Variants in ADGRB3 observed in about 807,000 individuals in gnomAD.
ADGRB3 encodes the protein brain-specific angiogenesis inhibitor 3.
Under a neutral mutation model 193.4 loss-of-function variants are expected in ADGRB3, and 37 were observed. The observed-to-expected ratio is 0.19, with a 90% CI of 0.15 to 0.25. The LOEUF is 0.25. ADGRB3 is among the 10% of genes least tolerant of loss of function. The probability of loss-of-function intolerance (pLI) is 1.00; values close to 1 mark genes in which losing one functional copy is unlikely to be tolerated. For missense variants in ADGRB3, 1,637 were observed against 1,852.9 expected, an observed-to-expected ratio of 0.88 and a Z score of 2.14; for synonymous variants, 690 against 644.2, an observed-to-expected ratio of 1.07 and a Z score of -1.08.
chr6:68,924,208 A>T (rs1038676373), intron 3 of ADGRB3, among the ~76,000 whole-genome samples: 1 of 152,082 alleles, frequency 6.6e-6, no homozygotes, highest in Non-Finnish European at 1.5e-5. Context: ...TGCATAATGG[A>T]TAAGAAATAA....
At chr6:69,348,256 A>G (rs1331336788) in intron 26 of ADGRB3, among the ~76,000 whole-genome samples, 4 of 152,048 alleles carry the variant, frequency 2.6e-5, no homozygotes, top group Admixed American at 6.5e-5. Context: ...ACATCAAACC[A>G]TTGCTTGCTG....
At chr6:68,929,498 G>T (rs1767276918) in intron 3 of ADGRB3, among the ~76,000 whole-genome samples, 1 of 152,154 alleles carries the variant, frequency 6.6e-6, no homozygotes, top group African/African-American at 2.4e-5. Context: ...ACTATCTGCA[G>T]TGTCACTGGA....
At chr6:68,807,479 A>T (rs1455779703) in intron 3 of ADGRB3, among the ~76,000 whole-genome samples, 9 of 151,330 alleles carry the variant, frequency 5.9e-5, no homozygotes, top group Non-Finnish European at 1.2e-4. Context: ...TGACCTCGTG[A>T]TTTCCCCGCC....
chr6:69,135,613 C>T (rs1031027203), intron 17 of ADGRB3, among the ~76,000 whole-genome samples: 18 of 152,042 alleles, frequency 1.2e-4, no homozygotes, highest in South Asian at 2.1e-4. Flanking sequence ...TCAAAAAAGC[C>T]GGCAAGTTAA....
At chr6:69,210,113 C>CACACAA (rs1448099445) in intron 17 of ADGRB3, among the ~76,000 whole-genome samples, 1 of 128,796 alleles carries the variant, frequency 7.8e-6, no homozygotes, top group Non-Finnish European at 1.6e-5. Context: ...TATAGATACA[C>CACACAA]ACACACACTC....
chr6:69,331,978 C>T (rs749554333), intron 23 of ADGRB3: 14 of 985,042 alleles, frequency 1.4e-5, no homozygotes, highest in Non-Finnish European at 1.7e-5. Context: ...ATCTTCCTTA[C>T]GTTAGCAACT....
chr6:69,260,604 A>G (rs1452585792), intron 20 of ADGRB3, among the ~76,000 whole-genome samples: 1 of 152,140 alleles, frequency 6.6e-6, no homozygotes, highest in East Asian at 1.9e-4. Context: ...GTGAATGGAA[A>G]TATGTGGGTA....
At chr6:69,276,108 G>A (rs1460247700) in intron 20 of ADGRB3, among the ~76,000 whole-genome samples, 2 of 152,142 alleles carry the variant, frequency 1.3e-5, no homozygotes, top group African/African-American at 4.8e-5. Flanking sequence ...AATTCAGCAA[G>A]ACTATAGAAA....
intron 3 of ADGRB3, among the ~76,000 whole-genome samples, chr6:68,702,140 G>A (rs1177815557): frequency 6.6e-6 from 1 of 151,828 alleles, no homozygotes; most frequent in Non-Finnish European, 1.5e-5. Flanking sequence ...GAGACTTCAG[G>A]AAGTTTCCAA....
intron 17 of ADGRB3, among the ~76,000 whole-genome samples, chr6:69,120,756 T>C (rs1773657404): frequency 6.6e-6 from 1 of 152,078 alleles, no homozygotes; most frequent in Non-Finnish European, 1.5e-5. Context: ...GAAATAATAA[T>C]TACATGGAAA....
In ADGRB3 at chr6:69,221,152, A is replaced by T. The variant is rs151109594; in HGVS notation, c.2481-12138A>T. 5.0e-3 allele frequency among the ~76,000 whole-genome samples: 763 copies of T among 152,234 alleles called. 3 individuals carry two copies. The highest frequency in any genetic ancestry group is 7.9e-3 in the Non-Finnish European group (537 of 68,010). On this transcript the variant is annotated intron_variant, in intron 17 of 31. Coordinates refer to ENST00000370598, the MANE Select transcript of ADGRB3 (RefSeq NM_001704.3). ...GTATGAGGTTAAAGCAAAATTTCCT[A>T]TTCTTTAAATTATGATAGTCATTAT...
chr6:69,255,099 G>T (rs920409562), intron 20 of ADGRB3, among the ~76,000 whole-genome samples: 3 of 151,684 alleles, frequency 2.0e-5, no homozygotes, highest in African/African-American at 7.3e-5. Flanking sequence ...TCTTAATCCA[G>T]TCTATCACTG....
chr6:69,333,017 C>A lies in ADGRB3; in HGVS notation c.3188+9C>A. The A allele has an allele frequency of 1.2e-6, 2 of 1,612,300 alleles. No individual in the cohort carries two copies. Among genetic ancestry groups the A allele is most frequent in the Non-Finnish European group, 1.7e-6 (2 of 1,178,846 alleles). On this transcript the variant is annotated intron_variant, in intron 24 of 31. Coordinates refer to ENST00000370598, the MANE Select transcript of ADGRB3 (RefSeq NM_001704.3). ...CTCAAACACAGAGCCGGGTAAGCTG[C>A]AATTGGTGGATTTTGAAGGTTATTT...
At chr6:69,279,081 A>G (rs865924934) in intron 20 of ADGRB3, among the ~76,000 whole-genome samples, 10,497 of 88,952 alleles carry the variant, frequency 0.12, 1,024 homozygotes, top group African/African-American at 0.21. Flanking sequence ...GTATATATAT[A>G]TATATATATA....
chr6:69,266,599 C>A (rs1767045096), intron 20 of ADGRB3, among the ~76,000 whole-genome samples: 1 of 151,992 alleles, frequency 6.6e-6, no homozygotes, highest in Non-Finnish European at 1.5e-5. Flanking sequence ...ACCCTATAAT[C>A]TTTTCCTATT....
chr6:68,846,887 A>T (rs1046678031), intron 3 of ADGRB3, among the ~76,000 whole-genome samples: 1 of 152,122 alleles, frequency 6.6e-6, no homozygotes, highest in African/African-American at 2.4e-5. Flanking sequence ...AGAATGGTAG[A>T]TCCGCTTGCA....
chr6:69,167,584 T>G (rs1403308406), intron 17 of ADGRB3, among the ~76,000 whole-genome samples: 2 of 152,140 alleles, frequency 1.3e-5, no homozygotes, highest in African/African-American at 4.8e-5. Flanking sequence ...AGTTTTGTTT[T>G]TGTTTTTTTC....
chr6:69,122,806 G>A (rs966914987), intron 17 of ADGRB3, among the ~76,000 whole-genome samples: 5 of 151,752 alleles, frequency 3.3e-5, no homozygotes, highest in African/African-American at 1.2e-4. Context: ...AAATCAATAT[G>A]GCAGAACAAA....
chr6:69,330,648 A>G, intron 23 of ADGRB3, 76 bp downstream of exon 23: 1 of 1,232,450 alleles, frequency 8.1e-7, no homozygotes, highest in Non-Finnish European at 1.1e-6. Context: ...TAGAGTGGCA[A>G]TTTTGATAAT....
Sources: allele counts gnomAD v4.1 joint callset (sites outside exome capture counted in the v4.1 genomes callset), GRCh38; gene constraint gnomAD v4.1.1; transcripts MANE v1.5; gene names NCBI Gene and HGNC (gene_info 2026-07-23, HGNC 2026-07-21).